The following YES1 variants were observed in gnomAD, a reference collection of about 807,000 sequenced individuals.
The protein encoded by YES1 is tyrosine-protein kinase Yes.
Under a neutral mutation model 70.4 loss-of-function variants are expected in YES1, and 39 were observed. That is an observed-to-expected ratio of 0.55 (90% confidence interval 0.43 to 0.72). The LOEUF is 0.72. Ranked by LOEUF, YES1 falls within the 30% of genes least tolerant of loss-of-function variation. The pLI is 0.00. For missense variants in YES1, 495 were observed against 644.8 expected (o/e 0.77, Z 2.52); for synonymous variants, 198 against 218.6 (o/e 0.91, Z 0.83).
At chr18:754,616 C>A (rs1000305583) in intron 2 of YES1, among the ~76,000 whole-genome samples, 1 of 150,654 alleles carries the variant, frequency 6.6e-6, no homozygotes, top group African/African-American at 2.4e-5. Flanking sequence ...GAGGCTAAGG[C>A]AAGAGAATGG....
At chr18:799,187 T>C (rs555456553) in intron 1 of YES1, among the ~76,000 whole-genome samples, 1 of 152,318 alleles carries the variant, frequency 6.6e-6, no homozygotes, top group South Asian at 2.1e-4. Flanking sequence ...TCCATACAGA[T>C]GTCTAACTTG....
chr18:800,353 C>T lies in YES1; in HGVS notation c.-9+11761G>A, dbSNP rs567197238. 3.9e-5 allele frequency among the ~76,000 whole-genome samples: 6 copies of T among 152,358 alleles called. No homozygotes were observed. In the South Asian group the frequency reaches 1.2e-3, roughly 32 times the overall value. On this transcript the variant is annotated intron_variant, in intron 1 of 11. Transcript: ENST00000314574. Reference sequence around the variant, plus strand: ...AGTAACCAAAACTAAGATCCCTACCCTCACGGAGCTTACATTCCAGTGGCA... The same window carrying T: ...AGTAACCAAAACTAAGATCCCTACCTTCACGGAGCTTACATTCCAGTGGCA...
chr18:723,031 G>A lies in YES1; in HGVS notation c.*1393C>T, dbSNP rs1488237535. 3 of 152,330 alleles carry A rather than the reference G, an allele frequency of 2.0e-5. No individual in the cohort carries two copies. Among genetic ancestry groups the A allele is most frequent in the East Asian group, 3.9e-4 (2 of 5,180 alleles). The allele number at this position is 152,330 out of a possible 1,614,324, so 9.4% of individuals were successfully genotyped here. On this transcript the variant is annotated 3_prime_UTR_variant, in exon 12 of 12. Transcript: ENST00000314574. ...GGTGTGAACCTGGGAGGCAGAGCTT[G>A]CAGTGAGCCGAGATCGCGCCACTGC...
At position 722,472 on chromosome 18, in the gene YES1, G is replaced by A. The variant is rs1244066419; in HGVS notation, c.*1952C>T. Reference sequence around the variant, plus strand: ...TAATGATAGTTAAGAATTATATCCTGAAAATAGAGGGGCCTAATATAAGGC... The same window carrying A: ...TAATGATAGTTAAGAATTATATCCTAAAAATAGAGGGGCCTAATATAAGGC... On this transcript the variant is annotated 3_prime_UTR_variant, in exon 12 of 12. Coordinates refer to ENST00000314574, the MANE Select transcript of YES1 (RefSeq NM_005433.4). 1.3e-5 allele frequency: 2 copies of A among 152,588 alleles called. No individual in the cohort carries two copies. Among genetic ancestry groups the A allele is most frequent in the South Asian group, 2.1e-4 (1 of 4,826 alleles). The allele number at this position is 152,588 out of a possible 1,614,324, so 9.5% of individuals were successfully genotyped here.
At chr18:763,732 C>T (rs1326598184) in intron 1 of YES1, among the ~76,000 whole-genome samples, 1 of 145,076 alleles carries the variant, frequency 6.9e-6, no homozygotes, top group Non-Finnish European at 1.5e-5. Context: ...AAAAGACGAG[C>T]TGGAACAGTG....
chr18:724,679 A>G (rs773732886), intron 11 of YES1, 47 bp from the exon 12 acceptor site: 22 of 1,514,982 alleles, frequency 1.5e-5, no homozygotes, highest in Non-Finnish European at 1.9e-5. Context: ...CCTAACTACC[A>G]CTAGGAAAAC....
chr18:744,365 TTCATTTAGGA>T (rs1825600153), intron 6 of YES1, among the ~76,000 whole-genome samples: 3 of 151,102 alleles, frequency 2.0e-5, no homozygotes, highest in South Asian at 4.2e-4. Flanking sequence ...AAGGAAAAAG[TTCATTTAGGA>T]TCATTTAGGA....
At chr18:754,181 T>C (rs2080377285) in intron 2 of YES1, among the ~76,000 whole-genome samples, 1 of 152,174 alleles carries the variant, frequency 6.6e-6, no homozygotes, top group Non-Finnish European at 1.5e-5. Context: ...CTTCCTAGCT[T>C]TGAATAAAAC....
intron 9 of YES1, among the ~76,000 whole-genome samples, chr18:737,634 G>A (rs963728767): frequency 6.6e-6 from 1 of 152,198 alleles, no homozygotes; most frequent in South Asian, 2.1e-4. Flanking sequence ...TTAACCACAA[G>A]GTATAGGTTC....
intron 9 of YES1, 122 bp from the exon 10 acceptor site, chr18:737,083 G>GT: frequency 2.5e-6 from 2 of 805,916 alleles, no homozygotes; most frequent in South Asian, 1.9e-5. Context: ...GGAGATGATG[G>GT]TAACAGGGTA....
intron 11 of YES1, among the ~76,000 whole-genome samples, chr18:728,930 TGA>T (rs1210291018): frequency 2.3e-4 from 35 of 152,360 alleles, no homozygotes; most frequent in Admixed American, 3.9e-4. Flanking sequence ...TGAATTTCAC[TGA>T]GTTTAATTTT....
At chr18:799,681 C>T (rs1027426960) in intron 1 of YES1, among the ~76,000 whole-genome samples, 13 of 151,814 alleles carry the variant, frequency 8.6e-5, no homozygotes, top group African/African-American at 3.1e-4. Flanking sequence ...CCAGCCTGGG[C>T]AACAGAGCGA....
chr18:743,298 A>T lies in YES1; in HGVS notation c.842T>A (p.Val281Asp), dbSNP rs1234571429. 3 of 1,612,176 alleles carry T rather than the reference A, an allele frequency of 1.9e-6. No individual in the cohort carries two copies. Among genetic ancestry groups the T allele is most frequent in the Non-Finnish European group, 2.5e-6 (3 of 1,179,978 alleles). The change falls in exon 7 of 12, where the codon GTT (valine) becomes GAT (aspartate). Residue 281 changes from valine to aspartate, a missense_variant. This residue lies in a region of YES1 where 385 missense variants were observed against 540.9 expected (regional missense o/e 0.71). Coordinates refer to ENST00000314574, the MANE Select transcript of YES1 (RefSeq NM_005433.4). ...EIPRESLRLE[V>D]KLGQGCFGEV... is the part of the protein sequence containing the mutation. ...GCCGAAACATCCTTGTCCTAGTTTA[A>T]CCTCTAGTCGCAAAGATTCTCGAGG...
At chr18:754,103 G>T (rs1027985978) in intron 2 of YES1, among the ~76,000 whole-genome samples, 2 of 152,122 alleles carry the variant, frequency 1.3e-5, no homozygotes, top group African/African-American at 4.8e-5. Context: ...TCCCCACACA[G>T]ATGTCAGAGT....
chr18:747,136 A>C (rs979985111), intron 4 of YES1, among the ~76,000 whole-genome samples: 1 of 152,188 alleles, frequency 6.6e-6, no homozygotes, highest in African/African-American at 2.4e-5. Flanking sequence ...AATGATAATA[A>C]ATCTCTGAAA....
At position 800,498 on chromosome 18, in the gene YES1, T is replaced by A. The variant is rs117545986; in HGVS notation, c.-9+11616A>T. Among the ~76,000 whole-genome samples the A allele has an allele frequency of 1.5e-4, 23 of 152,320 alleles. No individual in the cohort carries two copies. In the East Asian group the frequency reaches 4.4e-3, roughly 29 times the overall value. ...TGAAGGAGTTGTACTGTAGATATTGTGGGATAATAATGCTACAAAAATTAA... is the reference window on the plus strand; with the variant it reads ...TGAAGGAGTTGTACTGTAGATATTGAGGGATAATAATGCTACAAAAATTAA... On this transcript the variant is annotated intron_variant, in intron 1 of 11. Coordinates refer to ENST00000314574, the MANE Select transcript of YES1 (RefSeq NM_005433.4).
intron 1 of YES1, among the ~76,000 whole-genome samples, chr18:797,334 A>C (rs1452709800): frequency 6.6e-6 from 1 of 152,132 alleles, no homozygotes; most frequent in Admixed American, 6.5e-5. Context: ...ATCCCCCTAA[A>C]AAAACTGGGA....
intron 1 of YES1, among the ~76,000 whole-genome samples, chr18:804,038 A>AAATTAC (rs1437055380): frequency 1.3e-5 from 2 of 152,228 alleles, no homozygotes; most frequent in African/African-American, 4.8e-5. Flanking sequence ...TTTGTTTTAG[A>AAATTAC]AAATCTATTT....
intron 6 of YES1, 82 bp from the exon 7 acceptor site, chr18:743,497 C>G: frequency 8.3e-7 from 1 of 1,208,642 alleles, no homozygotes; most frequent in East Asian, 2.5e-5. Flanking sequence ...TAAGTTTAAA[C>G]TGTAGAAAAA....
Sources: gnomAD v4.1 joint callset for allele counts (sites outside exome capture counted in the v4.1 genomes callset) on GRCh38, gnomAD v4.1.1 for gene constraint, gnomAD v4.1.1 regional missense constraint, MANE v1.5 for transcripts, NCBI Gene and HGNC (gene_info 2026-07-23, HGNC 2026-07-21) for gene names.